INPP5E: variants seen among roughly 807,000 people sequenced by gnomAD.
The protein encoded by INPP5E is phosphatidylinositol polyphosphate 5-phosphatase type IV.
Under a neutral mutation model 50.5 loss-of-function variants are expected in INPP5E, and 34 were observed. The observed-to-expected ratio is 0.67, with a 90% CI of 0.51 to 0.90. The LOEUF is 0.90. INPP5E is among the 40% of genes least tolerant of loss of function. The probability of loss-of-function intolerance (pLI) is 0.00; values close to 1 mark genes in which losing one functional copy is unlikely to be tolerated. For synonymous variants in INPP5E, 447 were observed against 406.0 expected (o/e 1.10, Z -1.21); for missense variants, 942 against 905.5 (o/e 1.04, Z -0.52).
chr9:136,435,809 C>T (rs1272265380), intron 1 of INPP5E: 1 of 152,034 alleles, frequency 6.6e-6, no homozygotes, highest in African/African-American at 2.4e-5. Flanking sequence ...GCCGTGTGCC[C>T]GAGACGCTTG....
At chr9:136,437,857 A>G (rs925184232) in intron 1 of INPP5E, 2 of 152,644 alleles carry the variant, frequency 1.3e-5, no homozygotes, top group African/African-American at 4.8e-5. Context: ...AGACCCCAAG[A>G]CAAGACCAGG....
Position 136,429,605 on chromosome 9 carries a change from G to T in INPP5E, c.*70C>A. Reference sequence around the variant, plus strand: ...ATCCCCGAAAGGCGGCAAACTCTTTGTCCTTCCCAGTGGGTTTTGATCAAT... The same window carrying T: ...ATCCCCGAAAGGCGGCAAACTCTTTTTCCTTCCCAGTGGGTTTTGATCAAT... On this transcript the variant is annotated 3_prime_UTR_variant, in exon 10 of 10. Coordinates refer to ENST00000371712, the MANE Select transcript of INPP5E (RefSeq NM_019892.6). 6.3e-7 allele frequency: 1 copy of T among 1,591,662 alleles called. No homozygotes were observed. The highest frequency in any genetic ancestry group is 8.6e-7 in the Non-Finnish European group (1 of 1,165,756).
Position 136,428,848 on chromosome 9 carries a change from C to CA in INPP5E, c.*826dup, listed in dbSNP as rs1835632582. 6.6e-6 allele frequency: 1 copy of CA among 152,514 alleles called. No homozygotes were observed. Among genetic ancestry groups the CA allele is most frequent in the Non-Finnish European group, 1.5e-5 (1 of 68,100 alleles). 9.4% of individuals were successfully genotyped at this position (152,514 alleles called of 1,614,324 possible). A position where few individuals can be genotyped will look rare whatever the true frequency, so the allele number is the denominator to read the frequency against. ...TCAAGGTGGTGGCATCCTGAACTTC[C>CA]AGCAGTTCCCTAGCCCGGTTCCACT... On this transcript the variant is annotated 3_prime_UTR_variant, in exon 10 of 10. Transcript: ENST00000371712.
rs1395297524 is a variant in INPP5E at position 136,429,417 on chromosome 9, G to C, written c.*258C>G. ...CTGGGGTCCGTGGTGCTGCTGGGCG[G>C]GTCCAAACCCTGCCACCCATGCTGT... On this transcript the variant is annotated 3_prime_UTR_variant, in exon 10 of 10. Transcript: ENST00000371712. The C allele has an allele frequency of 3.5e-6, 2 of 576,274 alleles. No homozygotes were observed. The highest frequency in any genetic ancestry group is 6.3e-6 in the Non-Finnish European group (2 of 319,572). The allele number at this position is 576,274 out of a possible 1,614,324, so 35.7% of individuals were successfully genotyped here.
At chr9:136,433,908 C>G (rs1835769424) in intron 3 of INPP5E, 129 bp downstream of exon 3, 1 of 761,316 alleles carries the variant, frequency 1.3e-6, no homozygotes, top group Admixed American at 2.0e-5. Flanking sequence ...CGCCCAGCAG[C>G]TTCACAGATG....
At chr9:136,434,251 G>A in intron 2 of INPP5E, 117 bp from the exon 3 acceptor site, 1 of 744,520 alleles carries the variant, frequency 1.3e-6, no homozygotes, top group Admixed American at 2.2e-5. Flanking sequence ...GGGAAACTGA[G>A]GCCAGGGCCA....
rs1027114182 is a variant in INPP5E at position 136,432,738 on chromosome 9, C to T, written c.1280-152G>A. ...TGCCGGGCCCAGCCAGTGACATTTC[C>T]GCCTCGGAGGACAGAGCACGGGCCC... On this transcript the variant is annotated intron_variant, in intron 5 of 9. Transcript: ENST00000371712. 7.6e-5 allele frequency: 70 copies of T among 919,768 alleles called. No individual in the cohort carries two copies. In the Admixed American group the frequency reaches 8.4e-4, roughly 11 times the overall value. The allele number at this position is 919,768 out of a possible 1,614,324, so 57.0% of individuals were successfully genotyped here.
Position 136,438,646 on chromosome 9 carries a change from G to T in INPP5E, c.774C>A (p.Ser258Arg). Residue 258 changes from serine to arginine, a missense_variant, in exon 1 of 10, where the codon AGC (serine) becomes AGA (arginine). By Grantham distance (110) the Ser-to-Arg change is moderately radical. Coordinates refer to ENST00000371712, the MANE Select transcript of INPP5E (RefSeq NM_019892.6). ...CCTTGCTGCGGATGGGCGCCAGGAG[G>T]CTGAAGGAGGATTTGGCCGAGCGAA... ...CSLRSAKSSF[S>R]LLAPIRSKDV... 1 of 1,578,944 alleles carries T rather than the reference G, an allele frequency of 6.3e-7. No individual in the cohort carries two copies. Among genetic ancestry groups the T allele is most frequent in the African/African-American group, 1.3e-5 (1 of 74,310 alleles).
chr9:136,436,567 G>A (rs912056998), intron 1 of INPP5E: 1 of 152,350 alleles, frequency 6.6e-6, no homozygotes, highest in African/African-American at 2.4e-5. Context: ...CGAGCAAAAG[G>A]AACGGGTGGG....
chr9:136,438,517 G>C lies in INPP5E; in HGVS notation c.812+91C>G, dbSNP rs981889375. The stretch of plus-strand genomic sequence containing the variant: ...TTCTTTCCGGTTAGGCATCTTAAAC[G>C]CTGCTGATGGGAACGGTCTCACGAG... On this transcript the variant is annotated intron_variant, in intron 1 of 9. Coordinates refer to ENST00000371712, the MANE Select transcript of INPP5E (RefSeq NM_019892.6). The C allele has an allele frequency of 2.7e-5, 31 of 1,159,450 alleles. No individual in the cohort carries two copies. In the East Asian group the frequency reaches 8.0e-4, roughly 30 times the overall value. 71.8% of individuals were successfully genotyped at this position (1,159,450 alleles called of 1,614,324 possible). A position where few individuals can be genotyped will look rare whatever the true frequency, so the allele number is the denominator to read the frequency against.
intron 1 of INPP5E, among the ~76,000 whole-genome samples, chr9:136,435,075 C>T (rs1835800631): frequency 6.6e-6 from 1 of 152,244 alleles, no homozygotes; most frequent in African/African-American, 2.4e-5. Flanking sequence ...AGCGGGTTCA[C>T]ACCCCCTCCC....
At position 136,429,480 on chromosome 9, in the gene INPP5E, C is replaced by T. The variant is rs923110444; in HGVS notation, c.*195G>A. 6 of 753,990 alleles carry T rather than the reference C, an allele frequency of 8.0e-6. No homozygotes were observed. In the Admixed American group the frequency reaches 1.1e-4, roughly 14 times the overall value. 46.7% of individuals were successfully genotyped at this position (753,990 alleles called of 1,614,324 possible). A position where few individuals can be genotyped will look rare whatever the true frequency, so the allele number is the denominator to read the frequency against. ...TGGAGACGGGGGTCCAAGCCCTGCC[C>T]ACCCACACCGTGTGGACCTGCCACA... On this transcript the variant is annotated 3_prime_UTR_variant, in exon 10 of 10. Transcript: ENST00000371712.
chr9:136,432,638 TC>T, intron 5 of INPP5E, 52 bp from the exon 6 acceptor site: 3 of 1,235,348 alleles, frequency 2.4e-6, no homozygotes, highest in Non-Finnish European at 3.5e-6. Flanking sequence ...TGCTCGAGTC[TC>T]CCTAAAGCGC....
At chr9:136,435,474 G>T (rs1476779195) in intron 1 of INPP5E, 1 of 153,504 alleles carries the variant, frequency 6.5e-6, no homozygotes, top group Non-Finnish European at 1.4e-5. Context: ...AGCCTCCCGA[G>T]TAGCTGGGAC....
chr9:136,432,068 C>T lies in INPP5E; in HGVS notation c.1388-83G>A. ...TCCCCAGAACATGGCCTGGGAGTGG[C>T]TCTCAGGGGAAGTGGGTCTTGGGCG... On this transcript the variant is annotated intron_variant, in intron 6 of 9. Coordinates refer to ENST00000371712, the MANE Select transcript of INPP5E (RefSeq NM_019892.6). 8 of 1,559,678 alleles carry T rather than the reference C, an allele frequency of 5.1e-6. No homozygotes were observed. The South Asian group carries it at 6.7e-5, about 13-fold the overall frequency.
At chr9:136,434,593 C>T (rs1835789093) in intron 2 of INPP5E, 147 bp downstream of exon 2, 1 of 1,119,690 alleles carries the variant, frequency 8.9e-7, no homozygotes, top group African/African-American at 1.5e-5. Flanking sequence ...CTCTCACCCT[C>T]CTGTACTGCG....
chr9:136,432,616 C>T (rs1835735500), intron 5 of INPP5E, 30 bp from the exon 6 acceptor site: 22 of 1,394,616 alleles, frequency 1.6e-5, no homozygotes, highest in Non-Finnish European at 2.2e-5. Context: ...GTAGGGACCA[C>T]AGGGTTCCGG....
intron 1 of INPP5E, chr9:136,436,521 C>T (rs1460376427): frequency 2.0e-5 from 3 of 152,406 alleles, no homozygotes; most frequent in Admixed American, 6.5e-5. Context: ...TGCATGAGGA[C>T]GCTCAGGCTG....
chr9:136,430,038 G>A (rs1220417341), intron 9 of INPP5E, among the ~76,000 whole-genome samples: 9 of 150,422 alleles, frequency 6.0e-5, no homozygotes, highest in Non-Finnish European at 1.0e-4. Context: ...TAAGGCCTTC[G>A]TCCCTCCAGC....
Sources: gnomAD v4.1 joint callset for allele counts (sites outside exome capture counted in the v4.1 genomes callset) on GRCh38, gnomAD v4.1.1 for gene constraint, MANE v1.5 for transcripts, NCBI Gene and HGNC (gene_info 2026-07-23, HGNC 2026-07-21) for gene names.